Variants in NELL1 observed in about 807,000 individuals in gnomAD.
The protein encoded by NELL1 is neural EGFL like 1.
A neutral mutation model predicts 107.4 loss-of-function variants in NELL1; 76 were observed. That is an observed-to-expected ratio of 0.71 (90% CI 0.59 to 0.86). The LOEUF (loss-of-function observed/expected upper bound fraction) is 0.86. NELL1 is among the 40% of genes least tolerant of loss of function. The pLI, the probability that NELL1 is intolerant of heterozygous loss-of-function variation, is 0.00. For synonymous variants in NELL1, 353 were observed against 341.2 expected, an observed-to-expected ratio of 1.03 and a Z score of -0.38; for missense variants, 1,024 against 1,005.5, an observed-to-expected ratio of 1.02 and a Z score of -0.25.
intron 16 of NELL1, among the ~76,000 whole-genome samples, chr11:21,547,324 G>A (rs1403597890): frequency 6.6e-6 from 1 of 151,816 alleles, no homozygotes; most frequent in Non-Finnish European, 1.5e-5. Context: ...ATCTAATTGC[G>A]TTCCAAGGAT....
intron 12 of NELL1, among the ~76,000 whole-genome samples, chr11:21,074,031 C>T (rs1214825525): frequency 1.3e-5 from 2 of 152,096 alleles, no homozygotes; most frequent in Non-Finnish European, 2.9e-5. Flanking sequence ...GAATTATATA[C>T]TGGAAAACTA....
At chr11:21,392,753 A>G (rs73457942) in intron 15 of NELL1, among the ~76,000 whole-genome samples, 2,646 of 151,894 alleles carry the variant, frequency 0.017, 35 homozygotes, top group East Asian at 0.064. Context: ...AAAAAGGTTA[A>G]TGGAATGAAT....
intron 12 of NELL1, among the ~76,000 whole-genome samples, chr11:20,973,811 A>G (rs751394455): frequency 2.0e-5 from 3 of 152,300 alleles, no homozygotes; most frequent in East Asian, 1.9e-4. Flanking sequence ...GACTTTTCCC[A>G]TTCATTTCTG....
At chr11:20,946,543 G>A (rs1361985451) in intron 10 of NELL1, among the ~76,000 whole-genome samples, 1 of 152,094 alleles carries the variant, frequency 6.6e-6, no homozygotes, top group East Asian at 1.9e-4. Context: ...TATATCTAGG[G>A]AAAATCTAAT....
intron 14 of NELL1, among the ~76,000 whole-genome samples, chr11:21,254,404 T>C (rs1858717787): frequency 6.6e-6 from 1 of 152,042 alleles, no homozygotes; most frequent in South Asian, 2.1e-4. Context: ...GCTTAAAAAA[T>C]TCAATGCCCA....
At chr11:21,155,678 A>G (rs1164272240) in intron 13 of NELL1, among the ~76,000 whole-genome samples, 1 of 152,018 alleles carries the variant, frequency 6.6e-6, no homozygotes, top group African/African-American at 2.4e-5. Flanking sequence ...GGGAGAGGGG[A>G]CAGAAGTCAG....
chr11:20,748,934 A>ATCCATCCG, intron 2 of NELL1, among the ~76,000 whole-genome samples: 1 of 151,186 alleles, frequency 6.6e-6, no homozygotes, highest in Non-Finnish European at 1.5e-5. Flanking sequence ...CCATCCATCC[A>ATCCATCCG]TCCATCCATC....
intron 16 of NELL1, among the ~76,000 whole-genome samples, chr11:21,540,248 A>G (rs936044852): frequency 1.3e-5 from 2 of 151,898 alleles, no homozygotes; most frequent in Middle Eastern, 3.2e-3. Flanking sequence ...AATTATAATC[A>G]CCCTACTCTG....
intron 7 of NELL1, among the ~76,000 whole-genome samples, chr11:20,922,337 T>C (rs551203380): frequency 1.3e-3 from 205 of 152,232 alleles, no homozygotes; most frequent in Middle Eastern, 6.8e-3. Context: ...CTTCCTTTTG[T>C]ATTAGCTCTG....
At chr11:21,305,258 TA>T (rs1849582080) in intron 14 of NELL1, among the ~76,000 whole-genome samples, 1 of 152,194 alleles carries the variant, frequency 6.6e-6, no homozygotes, top group African/African-American at 2.4e-5. Context: ...AGTGATATTG[TA>T]CTCTGAGCTC....
At chr11:21,170,688 TTTATATATATACTGTATTA>T (rs869108217) in intron 13 of NELL1, among the ~76,000 whole-genome samples, 14 of 76,416 alleles carry the variant, frequency 1.8e-4, no homozygotes, top group Non-Finnish European at 3.4e-4. Context: ...TATACTGTAG[TTTATATATATACTGTATTA>T]TATATATATA....
intron 13 of NELL1, among the ~76,000 whole-genome samples, chr11:21,150,781 A>G (rs377332310): frequency 7.2e-5 from 11 of 152,266 alleles, no homozygotes; most frequent in African/African-American, 2.6e-4. Flanking sequence ...GTTCATTCTC[A>G]CACTGCTATA....
At chr11:20,994,925 T>C (rs1490412882) in intron 12 of NELL1, among the ~76,000 whole-genome samples, 1 of 152,190 alleles carries the variant, frequency 6.6e-6, no homozygotes, top group African/African-American at 2.4e-5. Context: ...TCAGGTCTTG[T>C]TTTAACAGCC....
chr11:21,365,235 C>T (rs1243310901), intron 14 of NELL1, among the ~76,000 whole-genome samples: 1 of 152,150 alleles, frequency 6.6e-6, no homozygotes, highest in Non-Finnish European at 1.5e-5. Context: ...GGACAATTTT[C>T]ATGACTAGTT....
chr11:20,818,128 G>A (rs1857664139), intron 3 of NELL1, among the ~76,000 whole-genome samples: 1 of 152,068 alleles, frequency 6.6e-6, no homozygotes, highest in African/African-American at 2.4e-5. Flanking sequence ...TTGAATTTAT[G>A]TCTAGTATTT....
rs370190924 is a variant in NELL1 at position 20,928,396 on chromosome 11, G to A, written c.914G>A (p.Arg305Gln). Reference sequence around the variant, plus strand: ...CCTCAGAGTGGTGCCGTGGAATGCCGAAGGATGTCCTGTCCCCCTCTCAAT... The same window carrying A: ...CCTCAGAGTGGTGCCGTGGAATGCCAAAGGATGTCCTGTCCCCCTCTCAAT... ...CTCKSGAVEC[R>Q]RMSCPPLNCS... Residue 305 changes from arginine to glutamine, a missense_variant, in exon 9 of 20, where the codon CGA (arginine) becomes CAA (glutamine). By Grantham distance (43) the Arg-to-Gln change is conservative. Transcript: ENST00000357134. The A allele has an allele frequency of 6.8e-6, 11 of 1,613,812 alleles. No homozygotes were observed. Among genetic ancestry groups the A allele is most frequent in the Admixed American group, 5.0e-5 (3 of 59,970 alleles).
At position 20,918,173 on chromosome 11, in the gene NELL1, A is replaced by G. The variant is rs1564966105; in HGVS notation, c.604-9A>G. On this transcript the variant is annotated splice_polypyrimidine_tract_variant and intron_variant, in intron 5 of 19. Transcript: ENST00000357134. ...ATCTTGATTGCCACCTGTCTCTTCT[A>G]TTATCAAGGGGATCATCCAAGATGG... The G allele has an allele frequency of 3.9e-6, 6 of 1,543,762 alleles. No individual in the cohort carries two copies. Among genetic ancestry groups the G allele is most frequent in the Non-Finnish European group, 5.4e-6 (6 of 1,116,818 alleles).
intron 3 of NELL1, among the ~76,000 whole-genome samples, chr11:20,821,375 C>A (rs565857964): frequency 6.6e-6 from 1 of 152,274 alleles, no homozygotes; most frequent in South Asian, 2.1e-4. Context: ...TAAGATGTGT[C>A]AAGTGCCTGA....
At chr11:20,807,012 A>G (rs1195053839) in intron 3 of NELL1, among the ~76,000 whole-genome samples, 1 of 149,826 alleles carries the variant, frequency 6.7e-6, no homozygotes, top group East Asian at 1.9e-4. Flanking sequence ...GCAAGGTCAC[A>G]TATCTCTATC....
Sources: allele counts gnomAD v4.1 joint callset (sites outside exome capture counted in the v4.1 genomes callset), GRCh38; gene constraint gnomAD v4.1.1; transcripts MANE v1.5; gene names NCBI Gene and HGNC (gene_info 2026-07-23, HGNC 2026-07-21).